PIP4K2A: variants seen among roughly 807,000 people sequenced by gnomAD.
PIP4K2A encodes phosphatidylinositol-5-phosphate 4-kinase type 2 alpha.
Under a neutral mutation model 42.9 loss-of-function variants are expected in PIP4K2A, and 14 were observed. That is an observed-to-expected ratio of 0.33 (90% confidence interval 0.22 to 0.51). PIP4K2A has a LOEUF of 0.51. Among genes scored for constraint, PIP4K2A ranks in the 20% least tolerant of loss-of-function variants. The pLI is 0.97. For synonymous variants in PIP4K2A, 192 were observed against 192.2 expected (o/e 1.00, Z 0.01); for missense variants, 434 against 519.8 (o/e 0.83, Z 1.61).
chr10:22,640,868 C>A (rs1022359456), intron 1 of PIP4K2A, among the ~76,000 whole-genome samples: 1 of 151,958 alleles, frequency 6.6e-6, no homozygotes, highest in Non-Finnish European at 1.5e-5. Context: ...AAACATAGAG[C>A]AAGGATGTGG....
At chr10:22,596,190 A>T (rs1428519753) in intron 3 of PIP4K2A, among the ~76,000 whole-genome samples, 4 of 120,968 alleles carry the variant, frequency 3.3e-5, no homozygotes, top group African/African-American at 1.2e-4. Flanking sequence ...GGGCAACAAG[A>T]GCAAAACTCC....
chr10:22,677,596 G>C (rs1419322544), intron 1 of PIP4K2A, among the ~76,000 whole-genome samples: 1 of 152,210 alleles, frequency 6.6e-6, no homozygotes, highest in Non-Finnish European at 1.5e-5. Flanking sequence ...TGTGGAAACT[G>C]AGTGATGGGT....
intron 4 of PIP4K2A, among the ~76,000 whole-genome samples, chr10:22,587,944 C>T (rs999488882): frequency 1.3e-5 from 2 of 152,216 alleles, no homozygotes; most frequent in Non-Finnish European, 2.9e-5. Context: ...CTCAGTGAGC[C>T]TAGCAGGGGT....
intron 1 of PIP4K2A, among the ~76,000 whole-genome samples, chr10:22,705,425 T>TAAAAAAA (rs1833800596): frequency 1.8e-5 from 1 of 56,876 alleles, no homozygotes; most frequent in Non-Finnish European, 3.2e-5. Flanking sequence ...AGTACCCCAG[T>TAAAAAAA]TAAAAAAAAA....
At chr10:22,640,113 G>C (rs1176591842) in intron 1 of PIP4K2A, among the ~76,000 whole-genome samples, 1 of 146,286 alleles carries the variant, frequency 6.8e-6, no homozygotes, top group African/African-American at 2.5e-5. Flanking sequence ...GGAATTGAAA[G>C]CTATGAGTTA....
rs181474409 is a variant in PIP4K2A at position 22,580,346 on chromosome 10, T to C, written c.493-6889A>G. On this transcript the variant is annotated intron_variant, in intron 4 of 9. Transcript: ENST00000376573. ...ATTAACAAAATAACTTGTAAGCGAA[T>C]GCTTCAAAAACAGCAAGAAGAGGCT... 2.0e-5 allele frequency among the ~76,000 whole-genome samples: 3 copies of C among 152,104 alleles called. No individual in the cohort carries two copies. The East Asian group carries it at 5.8e-4, about 29-fold the overall frequency.
At chr10:22,579,705 T>C (rs904617492) in intron 4 of PIP4K2A, among the ~76,000 whole-genome samples, 6 of 152,008 alleles carry the variant, frequency 3.9e-5, no homozygotes, top group Non-Finnish European at 8.8e-5. Flanking sequence ...CAGGAGGAGA[T>C]TGAGACCGGC....
At chr10:22,712,408 G>A (rs1013775478) in intron 1 of PIP4K2A, among the ~76,000 whole-genome samples, 1 of 152,024 alleles carries the variant, frequency 6.6e-6, no homozygotes, top group African/African-American at 2.4e-5. Context: ...CCCCGAGACA[G>A]AAACACTCTC....
At chr10:22,643,592 C>CA (rs984319542) in intron 1 of PIP4K2A, among the ~76,000 whole-genome samples, 6 of 152,156 alleles carry the variant, frequency 3.9e-5, no homozygotes, top group African/African-American at 1.4e-4. Flanking sequence ...CCCAGGCCCC[C>CA]AAATCCCTCC....
At chr10:22,676,917 A>G (rs1165046019) in intron 1 of PIP4K2A, among the ~76,000 whole-genome samples, 2 of 152,214 alleles carry the variant, frequency 1.3e-5, no homozygotes, top group Non-Finnish European at 2.9e-5. Context: ...TGTTTTGCCT[A>G]AGAGGCTTAC....
intron 7 of PIP4K2A, among the ~76,000 whole-genome samples, chr10:22,544,744 C>T (rs897798324): frequency 6.6e-6 from 1 of 152,218 alleles, no homozygotes; most frequent in Non-Finnish European, 1.5e-5. Flanking sequence ...TCTCACAGGG[C>T]ACAAACAAAA....
chr10:22,540,035 T>C lies in PIP4K2A; in HGVS notation c.1076A>G (p.Asp359Gly). 1 of 1,612,448 alleles carries C rather than the reference T, an allele frequency of 6.2e-7. No homozygotes were observed. The highest frequency in any genetic ancestry group is 8.5e-7 in the Non-Finnish European group (1 of 1,178,650). ...RKEVYFMAII[D>G]ILTHYDAKKK... ...TTTTGCATCATAATGAGTAAGGATG[T>C]CAATAATTGCCATGAAGTACACCTC... The change falls in exon 9 of 10, where the codon GAC (aspartate) becomes GGC (glycine). Residue 359 changes from aspartate (D) to glycine (G), a missense_variant. By Grantham distance (94) the Asp-to-Gly change is moderately conservative. Coordinates refer to ENST00000376573, the MANE Select transcript of PIP4K2A (RefSeq NM_005028.5).
chr10:22,597,326 C>G (rs1001700902), intron 3 of PIP4K2A, among the ~76,000 whole-genome samples: 78 of 152,302 alleles, frequency 5.1e-4, no homozygotes, highest in African/African-American at 1.8e-3. Context: ...AGGACCAGCA[C>G]TTAGCATTTC....
chr10:22,593,322 A>G (rs1225252745), intron 3 of PIP4K2A, among the ~76,000 whole-genome samples: 2 of 152,204 alleles, frequency 1.3e-5, no homozygotes, highest in Non-Finnish European at 2.9e-5. Context: ...TGCTTTCCTT[A>G]GCTTATTAGA....
chr10:22,568,549 G>A (rs1041893894), intron 5 of PIP4K2A, among the ~76,000 whole-genome samples: 3 of 152,192 alleles, frequency 2.0e-5, no homozygotes, highest in Non-Finnish European at 4.4e-5. Context: ...TATGCTGAGT[G>A]CAGAGGTACA....
intron 6 of PIP4K2A, among the ~76,000 whole-genome samples, chr10:22,566,672 T>A (rs1000026760): frequency 1.3e-5 from 2 of 151,662 alleles, no homozygotes; most frequent in Admixed American, 1.3e-4. Flanking sequence ...ATGCACCAAA[T>A]ACTCCCCACT....
chr10:22,641,164 G>T (rs563974539), intron 1 of PIP4K2A, among the ~76,000 whole-genome samples: 14 of 152,222 alleles, frequency 9.2e-5, no homozygotes, highest in South Asian at 2.1e-4. Context: ...GACTCGGAGG[G>T]TACTCTGGAG....
At chr10:22,612,575 G>C (rs572186044) in intron 1 of PIP4K2A, among the ~76,000 whole-genome samples, 2 of 152,236 alleles carry the variant, frequency 1.3e-5, no homozygotes, top group Non-Finnish European at 2.9e-5. Flanking sequence ...ACCAGACAGA[G>C]GAGAGCAGCT....
chr10:22,712,913 G>GGTGTGTGT (rs35439666), intron 1 of PIP4K2A, among the ~76,000 whole-genome samples: 25 of 147,502 alleles, frequency 1.7e-4, no homozygotes, highest in African/African-American at 4.0e-4. Flanking sequence ...CTACATTGAG[G>GGTGTGTGT]GTGTGTGTGT....
Sources: allele counts gnomAD v4.1 joint callset (sites outside exome capture counted in the v4.1 genomes callset), GRCh38; gene constraint gnomAD v4.1.1; transcripts MANE v1.5; gene names NCBI Gene and HGNC (gene_info 2026-07-23, HGNC 2026-07-21).